DYSF: variants seen among roughly 807,000 people sequenced by gnomAD.
DYSF encodes the protein dysferlin.
DYSF carries 212 observed loss-of-function variants against 274.9 expected under a neutral mutation model. That is an observed-to-expected ratio of 0.77 (90% CI 0.69 to 0.86). DYSF has a LOEUF of 0.86. Among genes scored for constraint, DYSF ranks in the 40% least tolerant of loss-of-function variants. The probability of loss-of-function intolerance (pLI) is 0.00; values close to 1 mark genes in which losing one functional copy is unlikely to be tolerated. For missense variants in DYSF, 2,666 were observed against 2,783.2 expected (o/e 0.96, Z 0.95); for synonymous variants, 1,091 against 1,078.7 (o/e 1.01, Z -0.22).
At chr2:71,567,602 A>G (rs1439629391) in intron 24 of DYSF, among the ~76,000 whole-genome samples, 1 of 152,220 alleles carries the variant, frequency 6.6e-6, no homozygotes, top group African/African-American at 2.4e-5. Context: ...TTCCATTGGC[A>G]AGCACTGTTC....
intron 17 of DYSF, among the ~76,000 whole-genome samples, chr2:71,547,014 G>A (rs1459693437): frequency 2.0e-5 from 3 of 152,246 alleles, no homozygotes; most frequent in African/African-American, 7.2e-5. Context: ...CGTTGCTCGG[G>A]CCACAGAACT....
chr2:71,633,559 G>C (rs2094348732), intron 41 of DYSF, among the ~76,000 whole-genome samples: 1 of 152,158 alleles, frequency 6.6e-6, no homozygotes, highest in South Asian at 2.1e-4. Context: ...AGTAACCCCA[G>C]TGTTGGGTTG....
intron 12 of DYSF, 44 bp downstream of exon 12, chr2:71,520,948 C>T: frequency 1.3e-6 from 2 of 1,577,802 alleles, no homozygotes; most frequent in Middle Eastern, 1.7e-4. Context: ...CCCCACGCGG[C>T]ACTTGGTTGC....
intron 21 of DYSF, among the ~76,000 whole-genome samples, chr2:71,554,727 G>A (rs1280775305): frequency 2.0e-5 from 3 of 152,214 alleles, no homozygotes; most frequent in Admixed American, 1.3e-4. Flanking sequence ...CTGGGGAGAA[G>A]AGCAGAGCAT....
At chr2:71,493,885 A>G (rs2084124152) in intron 3 of DYSF, among the ~76,000 whole-genome samples, 1 of 151,620 alleles carries the variant, frequency 6.6e-6, no homozygotes, top group Admixed American at 6.6e-5. Flanking sequence ...GAAAGAAAGA[A>G]ACACAAAGGT....
intron 36 of DYSF, among the ~76,000 whole-genome samples, chr2:71,606,209 G>A (rs2093644142): frequency 1.3e-5 from 2 of 152,178 alleles, no homozygotes; most frequent in Admixed American, 1.3e-4. Flanking sequence ...GCTTGAGGAT[G>A]GCTTCAGCTC....
chr2:71,613,160 G>A (rs1483348898), intron 39 of DYSF, among the ~76,000 whole-genome samples, 174 bp from the exon 40 acceptor site: 1 of 152,126 alleles, frequency 6.6e-6, no homozygotes, highest in Non-Finnish European at 1.5e-5. Flanking sequence ...GAGGATGGGA[G>A]AGATGGAGAT....
intron 32 of DYSF, among the ~76,000 whole-genome samples, chr2:71,596,196 T>A (rs1325938702): frequency 2.6e-5 from 4 of 151,764 alleles, no homozygotes; most frequent in Non-Finnish European, 5.9e-5. Flanking sequence ...AGCCACCCCC[T>A]CCCCGTTCTC....
chr2:71,590,292 G>A lies in DYSF; in HGVS notation c.3574+4G>A. 6.2e-7 allele frequency: 1 copy of A among 1,614,164 alleles called. No individual in the cohort carries two copies. The highest frequency in any genetic ancestry group is 1.7e-5 in the Admixed American group (1 of 60,024). ...ATGGACAAGGACTCTTTTTCTGGTA[G>A]GTGGGAGAGAGGCAGGAGAGTCAGA... On this transcript the variant is annotated splice_donor_region_variant and intron_variant, in intron 32 of 55. Coordinates refer to ENST00000410020, the MANE Select transcript of DYSF (RefSeq NM_001130987.2).
chr2:71,622,485 G>A (rs944087616), intron 41 of DYSF, among the ~76,000 whole-genome samples: 2 of 152,160 alleles, frequency 1.3e-5, no homozygotes, highest in Non-Finnish European at 2.9e-5. Context: ...AGATGCTGCT[G>A]AGCAGACTTA....
At position 71,490,815 on chromosome 2, in the gene DYSF, G is replaced by A. The variant is rs868403612; in HGVS notation, c.239+8845G>A. 3.3e-5 allele frequency among the ~76,000 whole-genome samples: 5 copies of A among 152,152 alleles called. No individual in the cohort carries two copies. In the East Asian group the frequency reaches 5.8e-4, roughly 18 times the overall value. ...TTTTTAAATGGTTATGTGGTATTCC[G>A]CGGTATGTGTGCACCGTAATTTACC... On this transcript the variant is annotated intron_variant, in intron 3 of 55. Transcript: ENST00000410020.
At chr2:71,647,049 T>G (rs2152927639) in intron 42 of DYSF, among the ~76,000 whole-genome samples, 1 of 152,252 alleles carries the variant, frequency 6.6e-6, no homozygotes, top group Non-Finnish European at 1.5e-5. Flanking sequence ...TAGAAATACT[T>G]AAAGCAAAAA....
At chr2:71,667,343 T>C (rs1339254352) in intron 47 of DYSF, 33 bp from the exon 48 acceptor site, 1 of 1,613,842 alleles carries the variant, frequency 6.2e-7, no homozygotes. Flanking sequence ...CTTCCCCAGC[T>C]CCTGCAACTT....
At chr2:71,564,276 C>A (rs1187093740) in intron 24 of DYSF, 63 bp downstream of exon 24, 1 of 1,600,208 alleles carries the variant, frequency 6.2e-7, no homozygotes, top group Non-Finnish European at 8.6e-7. Flanking sequence ...TTTCTCCCAT[C>A]TCTTCTGTTT....
chr2:71,656,063 A>T (rs550626744), intron 42 of DYSF, 99 bp from the exon 43 acceptor site: 11 of 1,432,776 alleles, frequency 7.7e-6, no homozygotes, highest in Non-Finnish European at 1.1e-5. Flanking sequence ...TCACTCTCAC[A>T]CTGTCATGTT....
intron 13 of DYSF, among the ~76,000 whole-genome samples, chr2:71,527,105 C>T (rs1008101867): frequency 4.6e-5 from 7 of 152,206 alleles, no homozygotes; most frequent in South Asian, 2.1e-4. Context: ...AGATTCAAAA[C>T]GGTCCAAATG....
At chr2:71,605,716 C>T (rs1378833893) in intron 36 of DYSF, among the ~76,000 whole-genome samples, 1 of 152,122 alleles carries the variant, frequency 6.6e-6, no homozygotes, top group African/African-American at 2.4e-5. Flanking sequence ...ATGGCTTTTA[C>T]TCTAAGATGT....
chr2:71,622,695 A>G (rs574529865), intron 41 of DYSF, among the ~76,000 whole-genome samples: 1 of 152,276 alleles, frequency 6.6e-6, no homozygotes, highest in East Asian at 1.9e-4. Flanking sequence ...GGCTCACTGC[A>G]ACCTCTGCCT....
At chr2:71,658,565 A>G (rs963492766) in intron 43 of DYSF, among the ~76,000 whole-genome samples, 9 of 152,232 alleles carry the variant, frequency 5.9e-5, no homozygotes, top group Non-Finnish European at 2.9e-5. Flanking sequence ...ACAGTTCCAC[A>G]TGGCTGGCAA....
Sources: gnomAD v4.1 joint callset for allele counts (sites outside exome capture counted in the v4.1 genomes callset) on GRCh38, gnomAD v4.1.1 for gene constraint, MANE v1.5 for transcripts, NCBI Gene and HGNC (gene_info 2026-07-23, HGNC 2026-07-21) for gene names.